The following GSK3A variants were observed in gnomAD, a reference collection of about 807,000 sequenced individuals.
GSK3A encodes glycogen synthase kinase 3 alpha.
Under a neutral mutation model 56.6 loss-of-function variants are expected in GSK3A, and 14 were observed. The ratio of observed to expected loss-of-function variants is 0.25; its 90% CI spans 0.16 to 0.39. The LOEUF is 0.39. Ranked by LOEUF, GSK3A falls within the 10% of genes least tolerant of loss-of-function variation. The pLI is 1.00. For synonymous variants in GSK3A, 301 were observed against 285.0 expected, an observed-to-expected ratio of 1.06 and a Z score of -0.56; for missense variants, 450 against 656.0, an observed-to-expected ratio of 0.69 and a Z score of 3.43.
Position 42,232,615 on chromosome 19 carries a change from G to A in GSK3A, c.1166C>T (p.Ser389Phe). The A allele has an allele frequency of 1.2e-6, 2 of 1,613,720 alleles. No homozygotes were observed. The highest frequency in any genetic ancestry group is 1.7e-6 in the Non-Finnish European group (2 of 1,179,758). Residue 389 changes from serine to phenylalanine, a missense_variant, in exon 9 of 11, where the codon TCC (serine) becomes TTC (phenylalanine). By Grantham distance (155) the Ser-to-Phe change is radical. Around this residue, in one of 3 missense-constraint regions of GSK3A, gnomAD observed 113 missense variants for 147.5 expected, o/e 0.77. Transcript: ENST00000222330. ...LCSSLLEYTPSSRLSPLEACA... is the reference protein window; with the variant it reads ...LCSSLLEYTPFSRLSPLEACA... ...GGCCTCTAGTGGGGAGAGCCTTGAG[G>A]ATGGGGTGTACTCCAGCAGGCTAGA...
rs764907411 is a variant in GSK3A at position 42,233,092 on chromosome 19, C to A, written c.1098+18G>T. 2.0e-6 allele frequency: 3 copies of A among 1,518,782 alleles called. No individual in the cohort carries two copies. Among genetic ancestry groups the A allele is most frequent in the African/African-American group, 1.4e-5 (1 of 72,788 alleles). 94.1% of individuals were successfully genotyped at this position (1,518,782 alleles called of 1,614,324 possible). On this transcript the variant is annotated intron_variant, in intron 8 of 10. Coordinates refer to ENST00000222330, the MANE Select transcript of GSK3A (RefSeq NM_019884.3). ...CAGCTCTCAGCCATACTGCCCTGAG[C>A]CCCTAGCCCTGCCCCACCTTTGTCC...
chr19:42,242,310 A>G lies in GSK3A; in HGVS notation c.156T>C (p.Ser52=). Residue 52 remains serine, a synonymous_variant, in exon 1 of 11, where the codon TCT becomes TCC. Transcript: ENST00000222330. Reference sequence around the variant, plus strand: ...CGACGCCCCCACCCATGGCCCCGACAGATGCCTTTCCGCCGCCGGTGCCGC... The same window carrying G: ...CGACGCCCCCACCCATGGCCCCGACGGATGCCTTTCCGCCGCCGGTGCCGC... ...GPGGTGGGKA[S]VGAMGGGVGA... 1 of 1,436,492 alleles carries G rather than the reference A, an allele frequency of 7.0e-7. No homozygotes were observed. Among genetic ancestry groups the G allele is most frequent in the Non-Finnish European group, 9.1e-7 (1 of 1,101,292 alleles). 89.0% of individuals were successfully genotyped at this position (1,436,492 alleles called of 1,614,324 possible).
At chr19:42,235,268 C>G (rs1238105672) in intron 4 of GSK3A, among the ~76,000 whole-genome samples, 2 of 152,210 alleles carry the variant, frequency 1.3e-5, no homozygotes, top group Non-Finnish European at 2.9e-5. Flanking sequence ...TAATCACAAC[C>G]CTTGGCAGAA....
At chr19:42,233,552 CCTGCCTTTG>C (rs2036238433) in intron 6 of GSK3A, among the ~76,000 whole-genome samples, 169 bp from the exon 7 acceptor site, 1 of 152,196 alleles carries the variant, frequency 6.6e-6, no homozygotes, top group Non-Finnish European at 1.5e-5. Flanking sequence ...CGACCTTGAC[CCTGCCTTTG>C]CTGTACTCTC....
intron 1 of GSK3A, chr19:42,241,427 T>C (rs1438361536): frequency 1.3e-5 from 2 of 152,180 alleles, no homozygotes; most frequent in African/African-American, 4.8e-5. Flanking sequence ...TAGATCCATA[T>C]TCTGTAGGAA....
At chr19:42,232,202 T>C in intron 9 of GSK3A, 53 bp from the exon 10 acceptor site, 1 of 1,144,556 alleles carries the variant, frequency 8.7e-7, no homozygotes, top group South Asian at 1.3e-5. Context: ...AGGGTTATGA[T>C]GGGCACCAAA....
In GSK3A at chr19:42,242,359, G is replaced by C; in HGVS notation, c.107C>G (p.Pro36Arg). Residue 36 changes from proline to arginine, a missense_variant, in exon 1 of 11, where the codon CCC (proline) becomes CGC (arginine). Pro to Arg is a moderately radical substitution (Grantham distance 103). Transcript: ENST00000222330. ...GGGGGGGGGG[P>R]GGSASGPGGT... ...GCCTGGGCCGGAGGCCGAGCCTCCGGGGCCGCCGCCGCCTCCTCCGCCTCC... is the reference window on the plus strand; with the variant it reads ...GCCTGGGCCGGAGGCCGAGCCTCCGCGGCCGCCGCCGCCTCCTCCGCCTCC... 2 of 1,407,016 alleles carry C rather than the reference G, an allele frequency of 1.4e-6. No individual in the cohort carries two copies. The highest frequency in any genetic ancestry group is 1.8e-6 in the Non-Finnish European group (2 of 1,083,604). 87.2% of individuals were successfully genotyped at this position (1,407,016 alleles called of 1,614,324 possible).
At chr19:42,232,840 G>A in intron 8 of GSK3A, 158 bp from the exon 9 acceptor site, 1 of 644,300 alleles carries the variant, frequency 1.6e-6, no homozygotes, top group Non-Finnish European at 2.6e-6. Flanking sequence ...ACTAAGGAGA[G>A]GTCAGTTTGT....
In GSK3A at chr19:42,232,103, G is replaced by A. The variant is rs1238110961; in HGVS notation, c.1332C>T (p.His444=). Residue 444 remains histidine, a synonymous_variant, in exon 10 of 11, where the codon CAC becomes CAT. Coordinates refer to ENST00000222330, the MANE Select transcript of GSK3A (RefSeq NM_019884.3). ...PSLNAILIPP[H]LRSPAGTTTL... is the part of the protein sequence containing the mutation. The stretch of plus-strand genomic sequence containing the variant: ...TGGTAGTGCCCGCTGGGGACCTCAA[G>A]TGAGGAGGGATGAGAATGGCGTTGA... 1.9e-6 allele frequency: 3 copies of A among 1,609,468 alleles called. No individual in the cohort carries two copies. Among genetic ancestry groups the A allele is most frequent in the Non-Finnish European group, 2.5e-6 (3 of 1,177,024 alleles).
chr19:42,236,680 C>T lies in GSK3A; in HGVS notation c.592G>A (p.Val198Met), dbSNP rs2036259210. The T allele has an allele frequency of 6.2e-7, 1 of 1,613,858 alleles. No homozygotes were observed. Among genetic ancestry groups the T allele is most frequent in the South Asian group, 1.1e-5 (1 of 91,080 alleles). The change falls in exon 4 of 11, where the codon GTG becomes ATG. Residue 198 changes from valine to methionine, a missense_variant. Around this residue, in one of 3 missense-constraint regions of GSK3A, gnomAD observed 144 missense variants for 308.0 expected, o/e 0.47. Coordinates refer to ENST00000222330, the MANE Select transcript of GSK3A (RefSeq NM_019884.3). Reference protein sequence around the residue: ...ELYLNLVLEYVPETVYRVARH... With the variant: ...ELYLNLVLEYMPETVYRVARH... ...GCCACCCGGTACACTGTCTCGGGCA[C>T]ATATTCCAGCACCAGATTTAGGTAA... is the stretch of plus-strand genomic sequence containing the variant.
intron 9 of GSK3A, 123 bp downstream of exon 9, chr19:42,232,373 G>T: frequency 1.1e-6 from 1 of 875,922 alleles, no homozygotes; most frequent in Non-Finnish European, 1.8e-6. Flanking sequence ...TCTTTCCTGA[G>T]CCCCAGGCCT....
chr19:42,236,242 G>A (rs1177919267), intron 4 of GSK3A, among the ~76,000 whole-genome samples: 2 of 152,066 alleles, frequency 1.3e-5, no homozygotes, highest in South Asian at 4.1e-4. Context: ...GGCTCTAAAG[G>A]CCCGAACTCT....
Position 42,233,164 on chromosome 19 carries a change from G to A in GSK3A, c.1044C>T (p.Asn348=). The change falls in exon 8 of 11, where the codon AAC becomes AAT. Residue 348 remains asparagine (N), a synonymous_variant. Transcript: ENST00000222330. The stretch of plus-strand genomic sequence containing the variant: ...GGAACTTGAACTCCGTGTAGTTGGG[G>A]TTCATCTCTCGGATTTGTTCCCGGG... ...TPTREQIREM[N]PNYTEFKFPQ... is the part of the protein sequence containing the mutation. 2.5e-6 allele frequency: 4 copies of A among 1,609,842 alleles called. No homozygotes were observed. Among genetic ancestry groups the A allele is most frequent in the Non-Finnish European group, 3.4e-6 (4 of 1,177,764 alleles).
Position 42,242,543 on chromosome 19 carries a change from C to G in GSK3A, c.-78G>C, listed in dbSNP as rs1044171732. On this transcript the variant is annotated 5_prime_UTR_variant, in exon 1 of 11. Transcript: ENST00000222330. ...GCCGCCGCCGCTGCCGCCGCCTCCC[C>G]CGGGCCCTGGCCTCTTCCAGGCCGC... The G allele has an allele frequency of 1.0e-6, 1 of 969,410 alleles. No individual in the cohort carries two copies. Among genetic ancestry groups the G allele is most frequent in the African/African-American group, 1.8e-5 (1 of 56,612 alleles). 60.1% of individuals were successfully genotyped at this position (969,410 alleles called of 1,614,324 possible).
In GSK3A at chr19:42,230,761, C is replaced by T. The variant is rs1308513008; in HGVS notation, c.*33G>A. 1 of 1,505,426 alleles carries T rather than the reference C, an allele frequency of 6.6e-7. No homozygotes were observed. The highest frequency in any genetic ancestry group is 9.1e-7 in the Non-Finnish European group (1 of 1,104,370). 93.3% of individuals were successfully genotyped at this position (1,505,426 alleles called of 1,614,324 possible). ...CCTTCCCAGCCCCTCTTGGGGCTCC[C>T]AGATGGAAGTGGAAGGGTGCTTGGT... On this transcript the variant is annotated 3_prime_UTR_variant, in exon 11 of 11. Coordinates refer to ENST00000222330, the MANE Select transcript of GSK3A (RefSeq NM_019884.3).
chr19:42,233,093 C>A lies in GSK3A; in HGVS notation c.1098+17G>T. 1 of 1,529,640 alleles carries A rather than the reference C, an allele frequency of 6.5e-7. No individual in the cohort carries two copies. The highest frequency in any genetic ancestry group is 8.9e-7 in the Non-Finnish European group (1 of 1,121,982). The allele number at this position is 1,529,640 out of a possible 1,614,324, so 94.8% of individuals were successfully genotyped here. On this transcript the variant is annotated intron_variant, in intron 8 of 10. Coordinates refer to ENST00000222330, the MANE Select transcript of GSK3A (RefSeq NM_019884.3). ...AGCTCTCAGCCATACTGCCCTGAGCCCCTAGCCCTGCCCCACCTTTGTCCA... is the reference window on the plus strand; with the variant it reads ...AGCTCTCAGCCATACTGCCCTGAGCACCTAGCCCTGCCCCACCTTTGTCCA...
intron 1 of GSK3A, chr19:42,241,912 G>C (rs1298694037): frequency 5.6e-6 from 2 of 356,444 alleles, no homozygotes; most frequent in Admixed American, 4.7e-5. Context: ...TGTTCTTAAG[G>C]CTCAAGGACC....
chr19:42,232,775 T>G, intron 8 of GSK3A, 93 bp from the exon 9 acceptor site: 1 of 1,091,696 alleles, frequency 9.2e-7, no homozygotes, highest in Non-Finnish European at 1.3e-6. Flanking sequence ...CGGCAAGTTA[T>G]GACTGGTTGC....
Position 42,230,716 on chromosome 19 carries a change from G to T in GSK3A, c.*78C>A, listed in dbSNP as rs564361044. 4.2e-5 allele frequency: 46 copies of T among 1,094,218 alleles called. No individual in the cohort carries two copies. Among genetic ancestry groups the T allele is most frequent in the South Asian group, 3.5e-4 (26 of 75,014 alleles). The allele number at this position is 1,094,218 out of a possible 1,614,324, so 67.8% of individuals were successfully genotyped here. On this transcript the variant is annotated 3_prime_UTR_variant, in exon 11 of 11. Transcript: ENST00000222330. ...GTCTAGGGGCCCAGCCAGGGCAGGA[G>T]CTTGATGGGCTATGGCCCCCCTTCC...
Sources: allele counts gnomAD v4.1 joint callset (sites outside exome capture counted in the v4.1 genomes callset), GRCh38; gene constraint gnomAD v4.1.1; regional missense constraint gnomAD v4.1.1; transcripts MANE v1.5; gene names NCBI Gene and HGNC (gene_info 2026-07-23, HGNC 2026-07-21).